NAALADL2: variants seen among roughly 807,000 people sequenced by gnomAD.
NAALADL2 encodes the protein N-acetylated alpha-linked acidic dipeptidase like 2, also known as inactive N-acetylated-alpha-linked acidic dipeptidase-like protein 2.
A neutral mutation model predicts 87.2 loss-of-function variants in NAALADL2; 76 were observed. The observed-to-expected ratio is 0.87, with a 90% CI of 0.72 to 1.05. NAALADL2 has a LOEUF of 1.05. Ranked by LOEUF, NAALADL2 falls within the 50% of genes least tolerant of loss-of-function variation. NAALADL2 has a pLI of 0.00. For synonymous variants in NAALADL2, 354 were observed against 331.0 expected, an observed-to-expected ratio of 1.07 and a Z score of -0.75; for missense variants, 1,089 against 945.8, an observed-to-expected ratio of 1.15 and a Z score of -1.99.
chr3:175,098,173 T>C (rs1721473021), intron 2 of NAALADL2, among the ~76,000 whole-genome samples: 1 of 152,150 alleles, frequency 6.6e-6, no homozygotes, highest in Non-Finnish European at 1.5e-5. Flanking sequence ...CTTCTGTGTC[T>C]GCTGTTCCCT....
chr3:175,783,262 TG>T (rs1751416694), intron 13 of NAALADL2, among the ~76,000 whole-genome samples: 1 of 152,194 alleles, frequency 6.6e-6, no homozygotes, highest in Non-Finnish European at 1.5e-5. Flanking sequence ...GGTAGCTTTA[TG>T]GGGATGGCAT....
At chr3:175,172,764 T>C (rs1390322170) in intron 2 of NAALADL2, among the ~76,000 whole-genome samples, 1 of 152,144 alleles carries the variant, frequency 6.6e-6, no homozygotes, top group Admixed American at 6.6e-5. Context: ...AATGAGGCAG[T>C]GAGTTCTAAA....
chr3:174,752,039 G>A (rs1046888010), intron 3 of NAALADL2, among the ~76,000 whole-genome samples: 1 of 151,790 alleles, frequency 6.6e-6, no homozygotes, highest in Admixed American at 6.6e-5. Flanking sequence ...GTGCAGTGGC[G>A]TGATCTCGGC....
intron 5 of NAALADL2, among the ~76,000 whole-genome samples, chr3:175,382,551 C>T (rs566209831): frequency 8.0e-5 from 4 of 49,818 alleles, no homozygotes; most frequent in Admixed American, 2.4e-4. Flanking sequence ...GAAAGTATCA[C>T]TCTTTGAGCC....
intron 11 of NAALADL2, among the ~76,000 whole-genome samples, chr3:175,663,040 T>C (rs77213300): frequency 0.018 from 2,737 of 152,056 alleles, 26 homozygotes; most frequent in Middle Eastern, 0.024. Context: ...TTTGGAAATA[T>C]TTACTGCTCT....
chr3:175,122,090 A>G (rs1477523093), intron 2 of NAALADL2, among the ~76,000 whole-genome samples: 1 of 151,862 alleles, frequency 6.6e-6, no homozygotes, highest in East Asian at 1.9e-4. Flanking sequence ...TAGACGGTGA[A>G]TAGGTGGAAC....
intron 2 of NAALADL2, among the ~76,000 whole-genome samples, chr3:175,213,307 G>T (rs541315113): frequency 6.6e-6 from 1 of 151,938 alleles, no homozygotes; most frequent in East Asian, 1.9e-4. Context: ...AATAAGGTTT[G>T]GTCTTTGTCC....
chr3:174,748,211 G>A (rs1390708660), intron 3 of NAALADL2, among the ~76,000 whole-genome samples: 1 of 152,032 alleles, frequency 6.6e-6, no homozygotes, highest in Non-Finnish European at 1.5e-5. Context: ...TACATACAGG[G>A]CATAATACCT....
At chr3:175,312,188 C>T (rs115106518) in intron 4 of NAALADL2, among the ~76,000 whole-genome samples, 369 of 152,124 alleles carry the variant, frequency 2.4e-3, no homozygotes, top group Non-Finnish European at 4.4e-3. Context: ...GAAAGGATAA[C>T]GTAATATTTG....
At chr3:175,508,434 A>C (rs1293106710) in intron 9 of NAALADL2, among the ~76,000 whole-genome samples, 3 of 152,084 alleles carry the variant, frequency 2.0e-5, no homozygotes, top group Admixed American at 6.5e-5. Context: ...CTCAGACTTC[A>C]TGCTCCTCTT....
At chr3:175,338,622 A>AACACACACACAC (rs202022603) in intron 5 of NAALADL2, among the ~76,000 whole-genome samples, 32 of 88,464 alleles carry the variant, frequency 3.6e-4, no homozygotes, top group African/African-American at 1.3e-3. Flanking sequence ...AAACACCACA[A>AACACACACACAC]ACACACACAC....
chr3:175,650,869 C>T (rs998844100), intron 11 of NAALADL2, among the ~76,000 whole-genome samples: 8 of 152,238 alleles, frequency 5.3e-5, no homozygotes, highest in Admixed American at 2.0e-4. Context: ...TAACCCAAAC[C>T]GCCTCACCAT....
At chr3:174,907,683 C>T (rs1733140770) in intron 1 of NAALADL2, among the ~76,000 whole-genome samples, 1 of 152,074 alleles carries the variant, frequency 6.6e-6, no homozygotes, top group East Asian at 1.9e-4. Flanking sequence ...AGTTGTTGTA[C>T]TACCAATGTT....
chr3:174,515,752 T>C (rs943602997), intron 1 of NAALADL2, among the ~76,000 whole-genome samples: 6 of 151,510 alleles, frequency 4.0e-5, no homozygotes, highest in African/African-American at 1.5e-4. Context: ...GATTGAATCA[T>C]GGAATTATGT....
intron 1 of NAALADL2, among the ~76,000 whole-genome samples, chr3:174,963,092 A>T (rs1165787091): frequency 6.6e-6 from 1 of 152,092 alleles, no homozygotes; most frequent in East Asian, 1.9e-4. Flanking sequence ...CCATAAATGC[A>T]GGGCCTGCAG....
intron 2 of NAALADL2, among the ~76,000 whole-genome samples, chr3:174,685,652 A>G (rs1727960243): frequency 6.6e-6 from 1 of 151,920 alleles, no homozygotes; most frequent in African/African-American, 2.4e-5. Flanking sequence ...CCTGTGTTTT[A>G]TTTTATCCAT....
chr3:174,669,228 G>A (rs1275584374), intron 2 of NAALADL2, among the ~76,000 whole-genome samples: 1 of 150,238 alleles, frequency 6.7e-6, no homozygotes, highest in Non-Finnish European at 1.5e-5. Flanking sequence ...CTTTTGAGAA[G>A]TGTCTGTTCA....
chr3:174,642,395 C>T (rs917907936), intron 2 of NAALADL2, among the ~76,000 whole-genome samples: 4 of 151,064 alleles, frequency 2.6e-5, no homozygotes, highest in Admixed American at 6.6e-5. Flanking sequence ...CAGCTACTCG[C>T]GAGGCTGAGG....
chr3:175,078,659 G>A (rs1369834141), intron 1 of NAALADL2, among the ~76,000 whole-genome samples: 3 of 152,030 alleles, frequency 2.0e-5, no homozygotes, highest in Non-Finnish European at 4.4e-5. Flanking sequence ...GCCTATTCTG[G>A]ACTTAAATGT....
Sources: gnomAD v4.1 joint callset for allele counts (sites outside exome capture counted in the v4.1 genomes callset) on GRCh38, gnomAD v4.1.1 for gene constraint, MANE v1.5 for transcripts, NCBI Gene and HGNC (gene_info 2026-07-23, HGNC 2026-07-21) for gene names.